The following KHDRBS2 variants were observed in gnomAD, a reference collection of about 807,000 sequenced individuals.
KHDRBS2 encodes the protein KH RNA binding domain containing, signal transduction associated 2.
In KHDRBS2, 26 loss-of-function variants were observed where a neutral mutation model predicts 44.3. The ratio of observed to expected loss-of-function variants is 0.59; its 90% CI spans 0.43 to 0.81. KHDRBS2 has a LOEUF of 0.81. Ranked by LOEUF, KHDRBS2 falls within the 40% of genes least tolerant of loss-of-function variation. KHDRBS2 has a pLI of 0.00. For missense variants in KHDRBS2, 476 were observed against 433.1 expected (o/e 1.10, Z -0.88); for synonymous variants, 194 against 151.1 (o/e 1.28, Z -2.08).
chr6:62,118,950 T>C (rs572934099), intron 2 of KHDRBS2, among the ~76,000 whole-genome samples: 3 of 152,178 alleles, frequency 2.0e-5, no homozygotes, highest in African/African-American at 7.2e-5. Context: ...GAATTTCACC[T>C]TGTGGTCATG....
chr6:61,986,582 A>C (rs545419288), intron 3 of KHDRBS2, among the ~76,000 whole-genome samples: 2 of 152,312 alleles, frequency 1.3e-5, no homozygotes, highest in South Asian at 4.1e-4. Context: ...AAACATCACT[A>C]TATTTCTTAG....
At chr6:61,902,929 A>G (rs1255748312) in intron 4 of KHDRBS2, among the ~76,000 whole-genome samples, 2 of 152,076 alleles carry the variant, frequency 1.3e-5, no homozygotes, top group African/African-American at 4.8e-5. Flanking sequence ...TACAAGCAAA[A>G]AGCCCTAAAG....
At chr6:61,975,668 C>CAG (rs1772454723) in intron 4 of KHDRBS2, among the ~76,000 whole-genome samples, 1 of 132,636 alleles carries the variant, frequency 7.5e-6, no homozygotes, top group Non-Finnish European at 1.7e-5. Context: ...CACACACACA[C>CAG]ACACACACAC....
At chr6:62,236,492 T>C (rs1330830121) in intron 1 of KHDRBS2, among the ~76,000 whole-genome samples, 2 of 151,978 alleles carry the variant, frequency 1.3e-5, no homozygotes, top group Admixed American at 6.6e-5. Flanking sequence ...TAATTTTATA[T>C]ATTTTTGAGA....
At chr6:61,977,986 A>C (rs1773047431) in intron 4 of KHDRBS2, 80 bp downstream of exon 4, 1 of 1,221,554 alleles carries the variant, frequency 8.2e-7, no homozygotes, top group Non-Finnish European at 1.1e-6. Flanking sequence ...TTTCCTTTTA[A>C]AAAGTCAGTG....
At chr6:62,097,746 C>T (rs1313203985) in intron 2 of KHDRBS2, among the ~76,000 whole-genome samples, 4 of 152,068 alleles carry the variant, frequency 2.6e-5, no homozygotes, top group African/African-American at 4.8e-5. Context: ...TAAGGCCTTA[C>T]TACTGCTATT....
intron 2 of KHDRBS2, 31 bp downstream of exon 2, chr6:62,177,154 T>G: frequency 7.9e-7 from 1 of 1,272,288 alleles, no homozygotes; most frequent in Non-Finnish European, 1.1e-6. Flanking sequence ...TCTAAATCAA[T>G]TATATGAGAA....
In KHDRBS2 at chr6:61,972,284, A is replaced by T. The variant is rs190375505; in HGVS notation, c.483+5782T>A. Among the ~76,000 whole-genome samples, 525 of 152,294 alleles carry T rather than the reference A, an allele frequency of 3.4e-3. 3 individuals are homozygous for T. The highest frequency in any genetic ancestry group is 4.8e-3 in the Non-Finnish European group (327 of 68,022). ...ATGATTCTTACTATTATTCTATTCT[A>T]AGAACTAATAAGAATTTTAGTTTTG... On this transcript the variant is annotated intron_variant, in intron 4 of 8. Coordinates refer to ENST00000281156, the MANE Select transcript of KHDRBS2 (RefSeq NM_152688.4).
intron 2 of KHDRBS2, among the ~76,000 whole-genome samples, chr6:62,080,006 G>A (rs1188423494): frequency 2.0e-5 from 3 of 151,818 alleles, no homozygotes; most frequent in East Asian, 3.9e-4. Context: ...GTTATAAAAT[G>A]TACAATGTTT....
intron 2 of KHDRBS2, among the ~76,000 whole-genome samples, chr6:62,054,922 C>T (rs566369212): frequency 7.2e-5 from 11 of 151,972 alleles, no homozygotes; most frequent in East Asian, 5.9e-4. Flanking sequence ...GAAGGAGCTA[C>T]GTAATATATA....
chr6:62,091,978 G>A (rs1311968225), intron 2 of KHDRBS2, among the ~76,000 whole-genome samples: 4 of 152,150 alleles, frequency 2.6e-5, no homozygotes, highest in Non-Finnish European at 5.9e-5. Context: ...CCTTTAAGTG[G>A]ATGCACCAAG....
chr6:61,714,318 T>C (rs1771027632), intron 7 of KHDRBS2, among the ~76,000 whole-genome samples: 1 of 151,844 alleles, frequency 6.6e-6, no homozygotes, highest in Non-Finnish European at 1.5e-5. Context: ...ATTAGAGAAA[T>C]GCAAATTAAA....
chr6:62,077,603 C>T (rs1395752785), intron 2 of KHDRBS2, among the ~76,000 whole-genome samples: 1 of 152,002 alleles, frequency 6.6e-6, no homozygotes, highest in Non-Finnish European at 1.5e-5. Flanking sequence ...TTTGCCTCAT[C>T]TGTGCTGCAT....
the KHDRBS2 span, among the ~76,000 whole-genome samples, chr6:61,595,195 A>C: frequency 3.9e-5 from 6 of 152,108 alleles, no homozygotes; most frequent in East Asian, 9.7e-4. Context: ...AAAAACTCTT[A>C]TAATAAAGCA....
At chr6:61,769,750 C>A (rs1334026335) in intron 6 of KHDRBS2, among the ~76,000 whole-genome samples, 1 of 152,248 alleles carries the variant, frequency 6.6e-6, no homozygotes, top group Non-Finnish European at 1.5e-5. Flanking sequence ...GTAGGCTCCA[C>A]CTCTGGGGGC....
chr6:62,171,049 A>G (rs1819895355), intron 2 of KHDRBS2, among the ~76,000 whole-genome samples: 1 of 152,010 alleles, frequency 6.6e-6, no homozygotes, highest in African/African-American at 2.4e-5. Context: ...AACCCTGGCA[A>G]CTCAAAAAAC....
intron 1 of KHDRBS2, among the ~76,000 whole-genome samples, chr6:62,274,809 C>CT (rs1021974065): frequency 6.6e-6 from 1 of 152,034 alleles, no homozygotes; most frequent in African/African-American, 2.4e-5. Context: ...CCTCCTCAAA[C>CT]TAAATGTAAA....
intron 1 of KHDRBS2, among the ~76,000 whole-genome samples, chr6:62,245,894 C>T (rs1184805882): frequency 3.3e-5 from 5 of 151,468 alleles, no homozygotes; most frequent in Non-Finnish European, 5.9e-5. Flanking sequence ...CATATTGTAT[C>T]TGCAGAGGTT....
At chr6:62,168,573 T>C (rs1819176366) in intron 2 of KHDRBS2, among the ~76,000 whole-genome samples, 1 of 152,160 alleles carries the variant, frequency 6.6e-6, no homozygotes, top group African/African-American at 2.4e-5. Flanking sequence ...TAGGTATATC[T>C]TGGTTTATTA....
Sources: gnomAD v4.1 joint callset for allele counts (sites outside exome capture counted in the v4.1 genomes callset) on GRCh38, gnomAD v4.1.1 for gene constraint, MANE v1.5 for transcripts, NCBI Gene and HGNC (gene_info 2026-07-23, HGNC 2026-07-21) for gene names.